The following PCDHGA4 variants were observed in gnomAD, a reference collection of about 807,000 sequenced individuals.
PCDHGA4 encodes the protein protocadherin gamma-A4.
PCDHGA4 carries 38 observed loss-of-function variants against 54.6 expected under a neutral mutation model. The observed-to-expected ratio is 0.70, with a 90% CI of 0.54 to 0.91. The LOEUF is 0.91. Among genes scored for constraint, PCDHGA4 ranks in the 40% least tolerant of loss-of-function variants. The probability of loss-of-function intolerance (pLI) is 0.00; values close to 1 mark genes in which losing one functional copy is unlikely to be tolerated. For missense variants in PCDHGA4, 1,298 were observed against 1,220.9 expected (o/e 1.06, Z -0.94); for synonymous variants, 511 against 512.9 (o/e 1.00, Z 0.05).
intron 1 of PCDHGA4, among the ~76,000 whole-genome samples, chr5:141,401,330 A>G (rs1377404173): frequency 6.6e-6 from 1 of 152,218 alleles, no homozygotes. Context: ...CAACAAGAGC[A>G]AAACTCCATC....
At position 141,371,601 on chromosome 5, in the gene PCDHGA4, A is replaced by G. The variant is rs770903429; in HGVS notation, c.2514+13980A>G. 5 of 1,613,988 alleles carry G rather than the reference A, an allele frequency of 3.1e-6. No homozygotes were observed. The East Asian group carries it at 8.9e-5, about 29-fold the overall frequency. ...CGTTCAAGATACCAAAAACACATAC[A>G]GGTTGGTGACAGATGGAGCCCTGGA... On this transcript the variant is annotated intron_variant, in intron 1 of 3. Transcript: ENST00000571252.
At chr5:141,361,751 C>T (rs1762164495) in intron 1 of PCDHGA4, 2 of 1,613,064 alleles carry the variant, frequency 1.2e-6, no homozygotes, top group African/African-American at 1.3e-5. Flanking sequence ...GACCAGGGCT[C>T]GCCCGCGCTC....
chr5:141,441,797 G>A, intron 1 of PCDHGA4: 2 of 386,536 alleles, frequency 5.2e-6, no homozygotes, highest in Non-Finnish European at 1.0e-5. Context: ...ACAACGCACC[G>A]CGGGTGCTGT....
rs758181180 is a variant in PCDHGA4 at position 141,485,483 on chromosome 5, G to T, written c.2515-9324G>T. The T allele has an allele frequency of 1.9e-6, 3 of 1,614,106 alleles. No homozygotes were observed. The highest frequency in any genetic ancestry group is 2.5e-6 in the Non-Finnish European group (3 of 1,180,022). ...GTGTGGGCTCAGTGCCAGCTGCATC[G>T]TGCCCCTGGAGTTTGTCACCGAAGG... On this transcript the variant is annotated intron_variant, in intron 1 of 3. Coordinates refer to ENST00000571252, the MANE Select transcript of PCDHGA4 (RefSeq NM_018917.4). The surrounding 1 kb of genome is among the most constrained non-coding windows in gnomAD (Gnocchi z 5.7).
chr5:141,361,286 G>A (rs1761959082), intron 1 of PCDHGA4: 2 of 1,613,878 alleles, frequency 1.2e-6, no homozygotes, highest in South Asian at 2.2e-5. Context: ...GAAGTTTACT[G>A]CCAAGTGTTG....
At chr5:141,364,571 A>G (rs750353960) in intron 1 of PCDHGA4, 5 of 1,614,012 alleles carry the variant, frequency 3.1e-6, no homozygotes, top group Admixed American at 3.3e-5. Flanking sequence ...GAACCCGCGA[A>G]GCGGCAGCTT....
rs771503687 is a variant in PCDHGA4 at position 141,383,368 on chromosome 5, G to T, written c.2514+25747G>T. 3 of 1,614,014 alleles carry T rather than the reference G, an allele frequency of 1.9e-6. No individual in the cohort carries two copies. In the East Asian group the frequency reaches 6.7e-5, roughly 36 times the overall value. ...TGGGGTTCGGTTTCCGTTAAGCGAG[G>T]CTGGGGATCCAGATGTGGGCACGAA... On this transcript the variant is annotated intron_variant, in intron 1 of 3. Coordinates refer to ENST00000571252, the MANE Select transcript of PCDHGA4 (RefSeq NM_018917.4).
At chr5:141,466,556 T>C (rs1398776914) in intron 1 of PCDHGA4, among the ~76,000 whole-genome samples, 1 of 152,222 alleles carries the variant, frequency 6.6e-6, no homozygotes, top group Non-Finnish European at 1.5e-5. Context: ...TGCTGTGGGC[T>C]TCATCTTCAA....
intron 1 of PCDHGA4, among the ~76,000 whole-genome samples, chr5:141,472,992 A>G (rs2099309983): frequency 6.6e-6 from 1 of 151,994 alleles, no homozygotes; most frequent in South Asian, 2.1e-4. Context: ...AAAAAAAAAA[A>G]AAAAAGAAAG....
At chr5:141,403,749 C>A in intron 1 of PCDHGA4, 1 of 1,613,652 alleles carries the variant, frequency 6.2e-7, no homozygotes, top group African/African-American at 1.3e-5. Context: ...ACTGCAACAG[C>A]CAGCGACCTG....
At chr5:141,454,483 C>T (rs1434684795) in intron 1 of PCDHGA4, among the ~76,000 whole-genome samples, 9 of 151,684 alleles carry the variant, frequency 5.9e-5, no homozygotes, top group African/African-American at 9.7e-5. Flanking sequence ...CTCAGCTCAC[C>T]GCAACCTCCA....
intron 1 of PCDHGA4, chr5:141,479,269 A>G (rs1279389471): frequency 6.6e-6 from 1 of 152,374 alleles, no homozygotes; most frequent in African/African-American, 2.4e-5. Flanking sequence ...TAAAAGTAAT[A>G]ATTTATTTCA....
At chr5:141,368,178 A>G (rs1230488076) in intron 1 of PCDHGA4, among the ~76,000 whole-genome samples, 3 of 152,200 alleles carry the variant, frequency 2.0e-5, no homozygotes, top group Non-Finnish European at 4.4e-5. Context: ...TCAAATAATG[A>G]CTAAATAAGG....
intron 1 of PCDHGA4, chr5:141,410,843 C>CTT: frequency 4.6e-6 from 1 of 216,280 alleles, no homozygotes; most frequent in South Asian, 8.0e-5. Flanking sequence ...GATATTTTGT[C>CTT]TTTGTCTTTT....
intron 1 of PCDHGA4, among the ~76,000 whole-genome samples, chr5:141,430,380 T>C (rs1464446838): frequency 2.7e-5 from 4 of 147,890 alleles, no homozygotes; most frequent in Non-Finnish European, 4.5e-5. Flanking sequence ...AAAAGCTCAT[T>C]GGGAAAAAAA....
intron 1 of PCDHGA4, chr5:141,441,792 G>T: frequency 2.6e-6 from 1 of 389,292 alleles, no homozygotes; most frequent in Non-Finnish European, 5.1e-6. Context: ...GAATGACAAC[G>T]CACCGCGGGT....
chr5:141,449,263 AC>A (rs1308401244), intron 1 of PCDHGA4, among the ~76,000 whole-genome samples: 3 of 152,152 alleles, frequency 2.0e-5, no homozygotes, highest in African/African-American at 7.2e-5. Flanking sequence ...TGTACAAAGA[AC>A]TGTATCTCCT....
intron 1 of PCDHGA4, among the ~76,000 whole-genome samples, chr5:141,357,914 G>A (rs1588531093): frequency 6.6e-6 from 1 of 152,274 alleles, no homozygotes; most frequent in East Asian, 1.9e-4. Flanking sequence ...TCTGTGCTGG[G>A]TGTGGTGGCT....
intron 1 of PCDHGA4, chr5:141,383,974 GAC>G: frequency 6.2e-7 from 1 of 1,613,818 alleles, no homozygotes; most frequent in Non-Finnish European, 8.5e-7. Flanking sequence ...AATCCCTGAA[GAC>G]ACACCTCTTG....
Sources: gnomAD v4.1 joint callset for allele counts (sites outside exome capture counted in the v4.1 genomes callset) on GRCh38, gnomAD v4.1.1 for gene constraint, Gnocchi (gnomAD v3.1) non-coding constraint, MANE v1.5 for transcripts, NCBI Gene and HGNC (gene_info 2026-07-23, HGNC 2026-07-21) for gene names.